The following GPT2 variants were observed in gnomAD, a reference collection of about 807,000 sequenced individuals.
GPT2 encodes the protein glutamic--pyruvic transaminase 2.
GPT2 carries 30 observed loss-of-function variants against 56.9 expected under a neutral mutation model. The ratio of observed to expected loss-of-function variants is 0.53; its 90% CI spans 0.39 to 0.72. The LOEUF (loss-of-function observed/expected upper bound fraction) is 0.72. GPT2 is among the 30% of genes least tolerant of loss of function. GPT2 has a pLI of 0.00. For missense variants in GPT2, 542 were observed against 703.4 expected, an observed-to-expected ratio of 0.77 and a Z score of 2.60; for synonymous variants, 271 against 283.1, an observed-to-expected ratio of 0.96 and a Z score of 0.43.
At chr16:46,898,982 A>ATGTG (rs1318713421) in intron 3 of GPT2, among the ~76,000 whole-genome samples, 3,393 of 135,402 alleles carry the variant, frequency 0.025, 275 homozygotes, top group African/African-American at 0.031. Flanking sequence ...ACACATATAT[A>ATGTG]TATATATATA....
chr16:46,906,417 T>C (rs1960926868), intron 4 of GPT2, among the ~76,000 whole-genome samples: 3 of 152,178 alleles, frequency 2.0e-5, no homozygotes, highest in African/African-American at 7.2e-5. Context: ...TATGGAACCA[T>C]GTGTAGGCAA....
At chr16:46,897,781 T>C (rs758802858) in intron 3 of GPT2, 44 bp downstream of exon 3, 1 of 1,585,532 alleles carries the variant, frequency 6.3e-7, no homozygotes, top group Non-Finnish European at 8.7e-7. Context: ...GGCAGGGCCC[T>C]GGGCTGGGCG....
In GPT2 at chr16:46,889,246, A is replaced by ATTTT. The variant is rs35803215; in HGVS notation, c.243+4311_243+4314dup. 1.0e-3 allele frequency among the ~76,000 whole-genome samples: 99 copies of ATTTT among 94,950 alleles called. 2 individuals are homozygous for ATTTT. The highest frequency in any genetic ancestry group is 1.7e-3 in the East Asian group (5 of 2,906). 62.3% of individuals were successfully genotyped at this position (94,950 alleles called of 152,430 possible). ...GTTTGCCATGTTGCCCAGGCTGTTAATTTTTTTTTTTTTTTTTTTTTTTTT... is the reference window on the plus strand; with the variant it reads ...GTTTGCCATGTTGCCCAGGCTGTTAATTTTTTTTTTTTTTTTTTTTTTTTTTTTT... On this transcript the variant is annotated intron_variant, in intron 2 of 11. Coordinates refer to ENST00000340124, the MANE Select transcript of GPT2 (RefSeq NM_133443.4).
At chr16:46,926,270 G>A (rs772063053) in intron 10 of GPT2, among the ~76,000 whole-genome samples, 18 of 151,712 alleles carry the variant, frequency 1.2e-4, no homozygotes, top group Non-Finnish European at 7.4e-5. Context: ...CCAACATGGC[G>A]AAACCCCATC....
At chr16:46,928,452 G>A (rs532806757) in intron 11 of GPT2, among the ~76,000 whole-genome samples, 3 of 151,744 alleles carry the variant, frequency 2.0e-5, no homozygotes, top group Non-Finnish European at 4.4e-5. Context: ...GTGAAACCCC[G>A]TCTCTTCTAA....
intron 5 of GPT2, 88 bp from the exon 6 acceptor site, chr16:46,909,596 T>C: frequency 6.8e-7 from 1 of 1,466,954 alleles, no homozygotes; most frequent in Admixed American, 1.9e-5. Flanking sequence ...AGAGTTGGAC[T>C]GGAGGCATGC....
At chr16:46,916,979 T>C (rs539062432) in intron 7 of GPT2, among the ~76,000 whole-genome samples, 90 of 152,008 alleles carry the variant, frequency 5.9e-4, no homozygotes, top group Non-Finnish European at 1.2e-3. Context: ...GCCAGTGGGG[T>C]CACAGGTACG....
At chr16:46,910,406 A>AC (rs1244884745) in intron 6 of GPT2, among the ~76,000 whole-genome samples, 3 of 150,160 alleles carry the variant, frequency 2.0e-5, no homozygotes, top group Non-Finnish European at 3.0e-5. Flanking sequence ...AAAAAAAAAA[A>AC]AACTTAGCCA....
intron 10 of GPT2, among the ~76,000 whole-genome samples, chr16:46,925,388 A>C (rs970576836): frequency 4.6e-5 from 7 of 151,956 alleles, no homozygotes; most frequent in Admixed American, 3.9e-4. Flanking sequence ...CACCCGGATA[A>C]TTTTTTGTAT....
chr16:46,915,541 ACT>A (rs1330367863), intron 6 of GPT2: 7 of 143,288 alleles, frequency 4.9e-5, no homozygotes, highest in Non-Finnish European at 4.5e-5. Flanking sequence ...ACACAAACAC[ACT>A]CTTACACCCC....
At chr16:46,897,541 C>T (rs528705265) in intron 2 of GPT2, 107 bp from the exon 3 acceptor site, 1 of 1,014,644 alleles carries the variant, frequency 9.9e-7, no homozygotes, top group East Asian at 2.5e-5. Flanking sequence ...CTTGGTAAGC[C>T]TCAAAATAGG....
At chr16:46,922,198 T>A in intron 8 of GPT2, 44 bp from the exon 9 acceptor site, 1 of 1,590,032 alleles carries the variant, frequency 6.3e-7, no homozygotes, top group Non-Finnish European at 8.6e-7. Context: ...TTTGTTGAGG[T>A]CTTTCTATAA....
intron 2 of GPT2, among the ~76,000 whole-genome samples, chr16:46,894,815 G>C (rs1379602313): frequency 2.0e-5 from 3 of 152,090 alleles, no homozygotes; most frequent in African/African-American, 7.2e-5. Flanking sequence ...ACAGGCGCCC[G>C]CCCCCACGCC....
At chr16:46,884,620 T>C in intron 1 of GPT2, 74 bp from the exon 2 acceptor site, 8 of 1,290,624 alleles carry the variant, frequency 6.2e-6, no homozygotes, top group Non-Finnish European at 7.9e-6. Flanking sequence ...AGCCCTTGGC[T>C]GGGCTTGTGT....
intron 6 of GPT2, among the ~76,000 whole-genome samples, chr16:46,913,671 T>G (rs1311414378): frequency 6.6e-6 from 1 of 152,228 alleles, no homozygotes; most frequent in Non-Finnish European, 1.5e-5. Flanking sequence ...GGCATATTTT[T>G]TATATTTTTC....
At chr16:46,903,129 A>G (rs1960852881) in intron 4 of GPT2, among the ~76,000 whole-genome samples, 1 of 151,600 alleles carries the variant, frequency 6.6e-6, no homozygotes, top group Non-Finnish European at 1.5e-5. Context: ...GGTGCCTGTA[A>G]TCCCAGCTAC....
At chr16:46,907,881 G>C (rs965382154) in intron 5 of GPT2, among the ~76,000 whole-genome samples, 1 of 152,240 alleles carries the variant, frequency 6.6e-6, no homozygotes, top group African/African-American at 2.4e-5. Flanking sequence ...GGGAGGGCTG[G>C]GGCCAGTGGT....
chr16:46,922,699 G>C (rs1442310316), intron 9 of GPT2, among the ~76,000 whole-genome samples: 1 of 152,148 alleles, frequency 6.6e-6, no homozygotes, highest in Non-Finnish European at 1.5e-5. Flanking sequence ...GCTGTGTCCT[G>C]ATAACACACT....
intron 2 of GPT2, among the ~76,000 whole-genome samples, chr16:46,897,158 G>A (rs1320264899): frequency 6.6e-6 from 1 of 152,150 alleles, no homozygotes; most frequent in Non-Finnish European, 1.5e-5. Flanking sequence ...TGCGGTGGGT[G>A]GATCACATGA....
Sources: gnomAD v4.1 joint callset for allele counts (sites outside exome capture counted in the v4.1 genomes callset) on GRCh38, gnomAD v4.1.1 for gene constraint, MANE v1.5 for transcripts, NCBI Gene and HGNC (gene_info 2026-07-23, HGNC 2026-07-21) for gene names.